The following MC2R variants were observed in gnomAD, a reference collection of about 807,000 sequenced individuals.
MC2R encodes the protein adrenocorticotropic hormone receptor.
In MC2R, 9 loss-of-function variants were observed where a neutral mutation model predicts 9.8. The ratio of observed to expected loss-of-function variants is 0.92; its 90% CI spans 0.55 to 1.60. MC2R has a LOEUF of 1.60. MC2R is among the 40% of genes most tolerant of loss of function. The probability of loss-of-function intolerance (pLI) is 0.00; values close to 1 mark genes in which losing one functional copy is unlikely to be tolerated. For synonymous variants in MC2R, 185 were observed against 154.7 expected, an observed-to-expected ratio of 1.20 and a Z score of -1.45; for missense variants, 370 against 389.0, an observed-to-expected ratio of 0.95 and a Z score of 0.41.
Position 13,884,510 on chromosome 18 carries a change from G to C in MC2R, c.*115C>G. ...AACACTAGCTGGTGGGATCATCCTT[G>C]CATCCATTAGGGAAGGAAGGCCAGT... On this transcript the variant is annotated 3_prime_UTR_variant, in exon 2 of 2. Transcript: ENST00000327606. 2 of 1,137,190 alleles carry C rather than the reference G, an allele frequency of 1.8e-6. No homozygotes were observed. The highest frequency in any genetic ancestry group is 2.6e-6 in the Non-Finnish European group (2 of 762,620). The allele number at this position is 1,137,190 out of a possible 1,614,324, so 70.4% of individuals were successfully genotyped here. A position where few individuals can be genotyped will look rare whatever the true frequency, so the allele number is the denominator to read the frequency against.
intron 1 of MC2R, among the ~76,000 whole-genome samples, chr18:13,889,747 C>G (rs1298946735): frequency 3.9e-5 from 6 of 152,128 alleles, no homozygotes; most frequent in Non-Finnish European, 8.8e-5. Flanking sequence ...GGAGAAGGCT[C>G]TATTATGTGT....
At position 13,884,734 on chromosome 18, in the gene MC2R, C is replaced by T. The variant is rs867561655; in HGVS notation, c.785G>A (p.Gly262Asp). 6.2e-7 allele frequency: 1 copy of T among 1,614,090 alleles called. No homozygotes were observed. Among genetic ancestry groups the T allele is most frequent in the Non-Finnish European group, 8.5e-7 (1 of 1,180,026 alleles). ...GACGGCATTGCACATGATCAACATGCCGTTCACCTGGAAGAGAGACATGTA... is the reference window on the plus strand; with the variant it reads ...GACGGCATTGCACATGATCAACATGTCGTTCACCTGGAAGAGAGACATGTA... ...ACYMSLFQVN[G>D]MLIMCNAVID... Residue 262 changes from glycine (G) to aspartate (D), a missense_variant, in exon 2 of 2, where the codon GGC becomes GAC. Gly to Asp is a moderately conservative substitution (Grantham distance 94). Coordinates refer to ENST00000327606, the MANE Select transcript of MC2R (RefSeq NM_000529.2).
At chr18:13,906,867 G>T (rs921738838) in intron 1 of MC2R, among the ~76,000 whole-genome samples, 1 of 152,152 alleles carries the variant, frequency 6.6e-6, no homozygotes, top group African/African-American at 2.4e-5. Flanking sequence ...GATGAAAGAA[G>T]TTGAAGAGGA....
In MC2R at chr18:13,882,436, T is replaced by C. The variant is rs919913229; in HGVS notation, c.*2189A>G. ...CTGAATTAGCACTCAGACTTCATTT[T>C]TGTTTCATCCACCATTAGACTAGCC... On this transcript the variant is annotated 3_prime_UTR_variant, in exon 2 of 2. Transcript: ENST00000327606. 1 of 152,250 alleles carries C rather than the reference T, an allele frequency of 6.6e-6. No homozygotes were observed. Among genetic ancestry groups the C allele is most frequent in the African/African-American group, 2.4e-5 (1 of 41,470 alleles). 9.4% of individuals were successfully genotyped at this position (152,250 alleles called of 1,614,324 possible). A position where few individuals can be genotyped will look rare whatever the true frequency, so the allele number is the denominator to read the frequency against.
chr18:13,883,260 T>C lies in MC2R; in HGVS notation c.*1365A>G, dbSNP rs1266831707. Reference sequence around the variant, plus strand: ...CCTTTCACCTTTCACCCCATTCAAGTCACCCTCCAACTTAGTGGGGACTTA... The same window carrying C: ...CCTTTCACCTTTCACCCCATTCAAGCCACCCTCCAACTTAGTGGGGACTTA... On this transcript the variant is annotated 3_prime_UTR_variant, in exon 2 of 2. Transcript: ENST00000327606. The C allele has an allele frequency of 2.0e-5, 3 of 152,288 alleles. No homozygotes were observed. Among genetic ancestry groups the C allele is most frequent in the Non-Finnish European group, 2.9e-5 (2 of 68,078 alleles). 9.4% of individuals were successfully genotyped at this position (152,288 alleles called of 1,614,324 possible).
In MC2R at chr18:13,883,458, A is replaced by G. The variant is rs1449170797; in HGVS notation, c.*1167T>C. On this transcript the variant is annotated 3_prime_UTR_variant, in exon 2 of 2. Transcript: ENST00000327606. ...TGGGTCTGCTTTCACATTCATCTGC[A>G]GAATGAGGTGGTGTTTGCCTCCCTC... 1 of 152,238 alleles carries G rather than the reference A, an allele frequency of 6.6e-6. No homozygotes were observed. The highest frequency in any genetic ancestry group is 1.5e-5 in the Non-Finnish European group (1 of 68,054). The allele number at this position is 152,238 out of a possible 1,614,324, so 9.4% of individuals were successfully genotyped here. A position where few individuals can be genotyped will look rare whatever the true frequency, so the allele number is the denominator to read the frequency against.
At chr18:13,913,830 A>G (rs1567904667) in intron 1 of MC2R, among the ~76,000 whole-genome samples, 1 of 152,190 alleles carries the variant, frequency 6.6e-6, no homozygotes, top group South Asian at 2.1e-4. Flanking sequence ...CTACAACGGC[A>G]TTATTCACAT....
intron 1 of MC2R, among the ~76,000 whole-genome samples, chr18:13,892,837 CA>C (rs1351760843): frequency 2.6e-4 from 39 of 149,470 alleles, no homozygotes; most frequent in Non-Finnish European, 3.9e-4. Context: ...CACACACACA[CA>C]CACACACACC....
At chr18:13,901,147 C>T (rs1431411172) in intron 1 of MC2R, among the ~76,000 whole-genome samples, 3 of 151,840 alleles carry the variant, frequency 2.0e-5, no homozygotes, top group Non-Finnish European at 4.4e-5. Context: ...TCCTGAATGA[C>T]CAGTGAATGA....
rs1488675984 is a variant in MC2R at position 13,904,611 on chromosome 18, CTA to C, written c.-129+10875_-129+10876del. Among the ~76,000 whole-genome samples the C allele has an allele frequency of 3.3e-5, 3 of 91,160 alleles. No individual in the cohort carries two copies. The East Asian group carries it at 8.7e-4, about 26-fold the overall frequency. The allele number at this position is 91,160 out of a possible 152,430, so 59.8% of individuals were successfully genotyped here. ...AAGTATCATGCTACCTGATTTCAAA[CTA>C]TACTACAAGGCTACAGTAACCAAAA... is the stretch of plus-strand genomic sequence containing the variant. On this transcript the variant is annotated intron_variant, in intron 1 of 1. Coordinates refer to ENST00000327606, the MANE Select transcript of MC2R (RefSeq NM_000529.2).
intron 1 of MC2R, among the ~76,000 whole-genome samples, chr18:13,902,362 C>T (rs2045385289): frequency 6.6e-6 from 1 of 152,056 alleles, no homozygotes; most frequent in Non-Finnish European, 1.5e-5. Flanking sequence ...TATGGAACCA[C>T]AAGAGACTCA....
intron 1 of MC2R, among the ~76,000 whole-genome samples, chr18:13,887,131 GCC>G: frequency 6.6e-6 from 1 of 151,788 alleles, no homozygotes; most frequent in Non-Finnish European, 1.5e-5. Flanking sequence ...GCCCGGGGAA[GCC>G]TGTGTGCTGT....
chr18:13,911,343 T>G (rs1267571330), intron 1 of MC2R, among the ~76,000 whole-genome samples: 1 of 152,204 alleles, frequency 6.6e-6, no homozygotes, highest in East Asian at 1.9e-4. Flanking sequence ...AATTCTTCCC[T>G]GCACAGTCCC....
At chr18:13,910,280 G>C (rs904176723) in intron 1 of MC2R, among the ~76,000 whole-genome samples, 3 of 152,012 alleles carry the variant, frequency 2.0e-5, no homozygotes, top group African/African-American at 7.3e-5. Flanking sequence ...TGATCTATTT[G>C]TCTGTTCTTT....
chr18:13,901,879 C>A (rs1018995197), intron 1 of MC2R, among the ~76,000 whole-genome samples: 1 of 152,086 alleles, frequency 6.6e-6, no homozygotes, highest in African/African-American at 2.4e-5. Context: ...CAAACTCATT[C>A]TACAATACCA....
chr18:13,915,411 C>A (rs4519393), intron 1 of MC2R, 77 bp downstream of exon 1: 54,183 of 152,478 alleles, frequency 0.36, 10,603 homozygotes, highest in Middle Eastern at 0.51. Context: ...TACCTCTTCT[C>A]AGATTTGTTC....
chr18:13,908,263 A>G (rs549681076), intron 1 of MC2R, among the ~76,000 whole-genome samples: 9 of 152,340 alleles, frequency 5.9e-5, no homozygotes, highest in African/African-American at 2.2e-4. Context: ...TAAGTGAAAT[A>G]AAGCAAGCAC....
chr18:13,891,108 C>G (rs1386334253), intron 1 of MC2R, among the ~76,000 whole-genome samples: 1 of 152,212 alleles, frequency 6.6e-6, no homozygotes, highest in Non-Finnish European at 1.5e-5. Flanking sequence ...CAACTCTTTT[C>G]TAATGGCAGG....
At chr18:13,914,914 G>A (rs1941088) in intron 1 of MC2R, among the ~76,000 whole-genome samples, 62,217 of 152,126 alleles carry the variant, frequency 0.41, 13,600 homozygotes, top group African/African-American at 0.57. Flanking sequence ...CCTGCACCCC[G>A]TGTTGCTGCC....
Sources: gnomAD v4.1 joint callset for allele counts (sites outside exome capture counted in the v4.1 genomes callset) on GRCh38, gnomAD v4.1.1 for gene constraint, MANE v1.5 for transcripts, NCBI Gene and HGNC (gene_info 2026-07-23, HGNC 2026-07-21) for gene names.